Variants in UBE2E2 observed in about 807,000 individuals in gnomAD.
UBE2E2 encodes ubiquitin conjugating enzyme E2 E2.
Under a neutral mutation model 24.7 loss-of-function variants are expected in UBE2E2, and 6 were observed. The ratio of observed to expected loss-of-function variants is 0.24; its 90% CI spans 0.13 to 0.48. UBE2E2 has a LOEUF of 0.48. Ranked by LOEUF, UBE2E2 falls within the 20% of genes least tolerant of loss-of-function variation. UBE2E2 has a pLI of 0.99. For synonymous variants in UBE2E2, 104 were observed against 83.6 expected, an observed-to-expected ratio of 1.24 and a Z score of -1.33; for missense variants, 169 against 245.0, an observed-to-expected ratio of 0.69 and a Z score of 2.07.
chr3:23,239,384 A>G (rs1697199622), intron 3 of UBE2E2, among the ~76,000 whole-genome samples: 1 of 152,102 alleles, frequency 6.6e-6, no homozygotes, highest in Admixed American at 6.6e-5. Context: ...TTACTTCCAA[A>G]ACATTTTCAT....
chr3:23,483,680 G>C (rs145838816), intron 3 of UBE2E2, among the ~76,000 whole-genome samples: 1 of 152,316 alleles, frequency 6.6e-6, no homozygotes, highest in African/African-American at 2.4e-5. Context: ...TTTGCCCAGT[G>C]CTGCTTCTTA....
chr3:23,576,506 C>T (rs1485447166), intron 5 of UBE2E2, among the ~76,000 whole-genome samples: 1 of 152,170 alleles, frequency 6.6e-6, no homozygotes, highest in Non-Finnish European at 1.5e-5. Flanking sequence ...ATGTCCCTAT[C>T]TCTGACTTCC....
At chr3:23,233,950 G>C (rs1407110109) in intron 3 of UBE2E2, among the ~76,000 whole-genome samples, 1 of 152,102 alleles carries the variant, frequency 6.6e-6, no homozygotes, top group Admixed American at 6.5e-5. Context: ...GTAAATATAA[G>C]TGTTATAAAA....
intron 3 of UBE2E2, among the ~76,000 whole-genome samples, chr3:23,360,388 AG>A (rs2125330627): frequency 6.6e-6 from 1 of 152,316 alleles, no homozygotes; most frequent in East Asian, 1.9e-4. Flanking sequence ...GTGCCAGAAC[AG>A]TACTGAATGC....
At position 23,452,284 on chromosome 3, in the gene UBE2E2, A is replaced by G. The variant is rs191190865; in HGVS notation, c.228-47324A>G. Among the ~76,000 whole-genome samples the G allele has an allele frequency of 2.0e-5, 3 of 152,332 alleles. No individual in the cohort carries two copies. The East Asian group carries it at 5.8e-4, about 29-fold the overall frequency. ...CTACATTTACTTGTCAGCAAGAGAC[A>G]CAGTAGGAAGTTCTTTAAGAAAATG... On this transcript the variant is annotated intron_variant, in intron 3 of 5. Coordinates refer to ENST00000396703, the MANE Select transcript of UBE2E2 (RefSeq NM_152653.4).
At chr3:23,284,193 T>C (rs2125373680) in intron 3 of UBE2E2, among the ~76,000 whole-genome samples, 1 of 152,300 alleles carries the variant, frequency 6.6e-6, no homozygotes. Context: ...TATTCTAGAT[T>C]AGCCATGTTG....
At position 23,349,538 on chromosome 3, in the gene UBE2E2, C is replaced by T. The variant is rs545159710; in HGVS notation, c.227+132226C>T. Among the ~76,000 whole-genome samples the T allele has an allele frequency of 8.4e-3, 1,279 of 152,280 alleles. 16 individuals carry two copies. Among genetic ancestry groups the T allele is most frequent in the African/African-American group, 0.028 (1,171 of 41,556 alleles). On this transcript the variant is annotated intron_variant, in intron 3 of 5. Coordinates refer to ENST00000396703, the MANE Select transcript of UBE2E2 (RefSeq NM_152653.4). ...TTGGGTCACTCCCATCCTAATACTG[C>T]GCTTTTCTGACGGGCTTAAAAAACG...
chr3:23,299,383 C>T (rs1699006978), intron 3 of UBE2E2, among the ~76,000 whole-genome samples: 1 of 152,058 alleles, frequency 6.6e-6, no homozygotes, highest in Non-Finnish European at 1.5e-5. Context: ...GTTAGGGTGT[C>T]AATTTTAGAT....
At chr3:23,300,821 A>G (rs183154309) in intron 3 of UBE2E2, among the ~76,000 whole-genome samples, 32 of 152,084 alleles carry the variant, frequency 2.1e-4, no homozygotes, top group African/African-American at 7.7e-4. Flanking sequence ...CTGAATCTGA[A>G]TGTTGGCCTG....
chr3:23,444,370 G>A (rs1211259396), intron 3 of UBE2E2, among the ~76,000 whole-genome samples: 1 of 152,066 alleles, frequency 6.6e-6, no homozygotes, highest in Non-Finnish European at 1.5e-5. Flanking sequence ...ACTGGCTTGA[G>A]GAATTCAAAG....
At chr3:23,255,658 A>G (rs1575508042) in intron 3 of UBE2E2, among the ~76,000 whole-genome samples, 1 of 152,110 alleles carries the variant, frequency 6.6e-6, no homozygotes, top group Admixed American at 6.5e-5. Context: ...TCTTTTTTCT[A>G]TTTTACAGAA....
intron 3 of UBE2E2, among the ~76,000 whole-genome samples, chr3:23,377,782 G>C (rs76621740): frequency 0.01 from 1,560 of 152,286 alleles, 27 homozygotes; most frequent in African/African-American, 0.036. Flanking sequence ...AATAGGTAAA[G>C]TGCTTAGCAC....
At chr3:23,355,064 T>C (rs1394531640) in intron 3 of UBE2E2, among the ~76,000 whole-genome samples, 4 of 151,644 alleles carry the variant, frequency 2.6e-5, no homozygotes, top group Middle Eastern at 3.4e-3. Context: ...AAATGATGAG[T>C]TCATGTCCTT....
intron 5 of UBE2E2, chr3:23,534,341 T>A: frequency 1.4e-6 from 1 of 695,490 alleles, no homozygotes; most frequent in Non-Finnish European, 1.8e-6. Flanking sequence ...TTTTTTTTTT[T>A]GCTCCGTTTC....
chr3:23,300,189 G>A (rs1392728174), intron 3 of UBE2E2, among the ~76,000 whole-genome samples: 1 of 152,122 alleles, frequency 6.6e-6, no homozygotes, highest in Non-Finnish European at 1.5e-5. Context: ...CTGCACGTGA[G>A]ATGGGTTTCC....
chr3:23,284,151 T>G (rs1698552880), intron 3 of UBE2E2, among the ~76,000 whole-genome samples: 1 of 152,136 alleles, frequency 6.6e-6, no homozygotes, highest in African/African-American at 2.4e-5. Flanking sequence ...TGGTCAAAAT[T>G]TGACTTGTCT....
chr3:23,437,197 T>G (rs562515637), intron 3 of UBE2E2, among the ~76,000 whole-genome samples: 42 of 152,230 alleles, frequency 2.8e-4, no homozygotes, highest in Non-Finnish European at 4.7e-4. Context: ...TTTCTCCTTG[T>G]AGTTTACTTG....
At chr3:23,260,055 C>T (rs1206019636) in intron 3 of UBE2E2, among the ~76,000 whole-genome samples, 1 of 152,108 alleles carries the variant, frequency 6.6e-6, no homozygotes, top group Non-Finnish European at 1.5e-5. Flanking sequence ...CCTGGTTTAT[C>T]TTTTTGATTC....
chr3:23,307,775 T>C (rs540560996), intron 3 of UBE2E2, among the ~76,000 whole-genome samples: 51 of 152,180 alleles, frequency 3.4e-4, no homozygotes, highest in Non-Finnish European at 4.6e-4. Flanking sequence ...TAAAATTAAA[T>C]TATGAATTAT....
Sources: allele counts gnomAD v4.1 joint callset (sites outside exome capture counted in the v4.1 genomes callset), GRCh38; gene constraint gnomAD v4.1.1; transcripts MANE v1.5; gene names NCBI Gene and HGNC (gene_info 2026-07-23, HGNC 2026-07-21).